Variants in PDZRN4 observed in about 807,000 individuals in gnomAD.
The protein encoded by PDZRN4 is PDZ domain-containing RING finger protein 4.
A neutral mutation model predicts 99.0 loss-of-function variants in PDZRN4; 70 were observed. That is an observed-to-expected ratio of 0.71 (90% CI 0.58 to 0.86). The LOEUF (loss-of-function observed/expected upper bound fraction) is 0.86. Among genes scored for constraint, PDZRN4 ranks in the 40% least tolerant of loss-of-function variants. The pLI, the probability that PDZRN4 is intolerant of heterozygous loss-of-function variation, is 0.00. For missense variants in PDZRN4, 1,474 were observed against 1,331.2 expected (o/e 1.11, Z -1.67); for synonymous variants, 551 against 501.6 (o/e 1.10, Z -1.32).
intron 5 of PDZRN4, among the ~76,000 whole-genome samples, chr12:41,539,746 G>T (rs1042156093): frequency 2.0e-5 from 3 of 152,136 alleles, no homozygotes; most frequent in African/African-American, 7.2e-5. Flanking sequence ...TGCTGGAAAA[G>T]TTCCTGAATG....
chr12:41,482,392 A>C (rs1482879242), intron 3 of PDZRN4, among the ~76,000 whole-genome samples: 1 of 152,182 alleles, frequency 6.6e-6, no homozygotes, highest in Non-Finnish European at 1.5e-5. Context: ...TAGGATGAGA[A>C]CTTGGATTCT....
At chr12:41,320,756 A>G (rs767926472) in intron 3 of PDZRN4, among the ~76,000 whole-genome samples, 11 of 152,088 alleles carry the variant, frequency 7.2e-5, no homozygotes, top group Non-Finnish European at 1.5e-4. Context: ...AAAAAATCTC[A>G]TCTCTCCTTT....
chr12:41,508,082 A>C (rs1938238875), intron 4 of PDZRN4, among the ~76,000 whole-genome samples: 1 of 152,066 alleles, frequency 6.6e-6, no homozygotes, highest in Non-Finnish European at 1.5e-5. Flanking sequence ...GCATTTATTG[A>C]CTCATTTAGT....
At chr12:41,529,707 T>A (rs1938627398) in intron 5 of PDZRN4, among the ~76,000 whole-genome samples, 1 of 152,218 alleles carries the variant, frequency 6.6e-6, no homozygotes, top group Admixed American at 6.5e-5. Context: ...TCTTCCTATG[T>A]TTTTGTGGGA....
chr12:41,388,895 A>G (rs531336122), intron 3 of PDZRN4, among the ~76,000 whole-genome samples: 150 of 152,228 alleles, frequency 9.9e-4, no homozygotes, highest in African/African-American at 2.9e-3. Flanking sequence ...AAGAGTAAGG[A>G]CAGTGTACTA....
At chr12:41,454,855 T>A (rs1398991130) in intron 3 of PDZRN4, among the ~76,000 whole-genome samples, 1 of 152,210 alleles carries the variant, frequency 6.6e-6, no homozygotes, top group Non-Finnish European at 1.5e-5. Context: ...CCAATAGAAA[T>A]ATCTGCGATA....
chr12:41,311,777 G>T (rs1280157760), intron 3 of PDZRN4, among the ~76,000 whole-genome samples: 1 of 152,150 alleles, frequency 6.6e-6, no homozygotes, highest in Non-Finnish European at 1.5e-5. Flanking sequence ...GTGTAAAAAT[G>T]TGTGCATTTG....
chr12:41,462,808 TA>T (rs1323759054), intron 3 of PDZRN4, among the ~76,000 whole-genome samples: 1 of 151,906 alleles, frequency 6.6e-6, no homozygotes, highest in South Asian at 2.1e-4. Flanking sequence ...AATGGTCTTA[TA>T]AAAAACATAA....
At chr12:41,371,625 G>A (rs759876661) in intron 3 of PDZRN4, among the ~76,000 whole-genome samples, 2 of 152,110 alleles carry the variant, frequency 1.3e-5, no homozygotes, top group African/African-American at 2.4e-5. Flanking sequence ...CATGGCATCC[G>A]CTAGAGGGTT....
At chr12:41,370,399 T>C (rs1363948154) in intron 3 of PDZRN4, among the ~76,000 whole-genome samples, 2 of 152,008 alleles carry the variant, frequency 1.3e-5, no homozygotes, top group East Asian at 1.9e-4. Flanking sequence ...CCTTTAAAAA[T>C]ATTTATCCGT....
At chr12:41,243,282 TAC>T (rs1174765295) in intron 3 of PDZRN4, among the ~76,000 whole-genome samples, 2 of 152,238 alleles carry the variant, frequency 1.3e-5, no homozygotes, top group African/African-American at 4.8e-5. Flanking sequence ...TTTAACCTTT[TAC>T]ACAGACATTA....
intron 3 of PDZRN4, among the ~76,000 whole-genome samples, chr12:41,219,520 G>A (rs189550953): frequency 6.6e-6 from 1 of 152,128 alleles, no homozygotes; most frequent in East Asian, 1.9e-4. Context: ...TCACTTCTTT[G>A]CTAATCAATT....
chr12:41,484,656 C>A (rs976103205), intron 3 of PDZRN4, among the ~76,000 whole-genome samples: 4 of 152,168 alleles, frequency 2.6e-5, no homozygotes, highest in Non-Finnish European at 5.9e-5. Flanking sequence ...CCTCATATAA[C>A]CCTGACCAAA....
chr12:41,232,327 A>G (rs1376626325), intron 3 of PDZRN4, among the ~76,000 whole-genome samples: 1 of 152,056 alleles, frequency 6.6e-6, no homozygotes, highest in Non-Finnish European at 1.5e-5. Context: ...AAGGAATGGC[A>G]TTATTATGCT....
rs936119379 is a variant in PDZRN4 at position 41,562,456 on chromosome 12, C to G, written c.1366-1092C>G. On this transcript the variant is annotated intron_variant, in intron 7 of 9. Coordinates refer to ENST00000402685, the MANE Select transcript of PDZRN4 (RefSeq NM_001164595.2). ...ATTATTGAAAAAAGAATGGTCAGTG[C>G]TGCTACATTTTCCATCTGCTTCATT... Among the ~76,000 whole-genome samples, 5 of 152,208 alleles carry G rather than the reference C, an allele frequency of 3.3e-5. No individual in the cohort carries two copies. The South Asian group carries it at 8.3e-4, about 25-fold the overall frequency.
At chr12:41,408,756 A>ATT (rs1235418224) in intron 3 of PDZRN4, among the ~76,000 whole-genome samples, 1 of 125,356 alleles carries the variant, frequency 8.0e-6, no homozygotes, top group Non-Finnish European at 1.8e-5. Context: ...CTTCCTAAAC[A>ATT]TTTCTCTCTC....
intron 5 of PDZRN4, among the ~76,000 whole-genome samples, chr12:41,510,335 C>T (rs754846493): frequency 1.8e-4 from 27 of 152,194 alleles, no homozygotes; most frequent in Non-Finnish European, 3.2e-4. Flanking sequence ...ATGCAATACT[C>T]TCTTTGTGCC....
At chr12:41,458,558 A>T (rs1952838555) in intron 3 of PDZRN4, among the ~76,000 whole-genome samples, 2 of 152,190 alleles carry the variant, frequency 1.3e-5, no homozygotes, top group Admixed American at 1.3e-4. Flanking sequence ...GGTTACTATT[A>T]ACTAAGTAGG....
intron 3 of PDZRN4, among the ~76,000 whole-genome samples, chr12:41,331,765 T>C (rs1263536490): frequency 7.2e-5 from 11 of 152,156 alleles, no homozygotes; most frequent in Middle Eastern, 3.4e-3. Flanking sequence ...CACCTCTTTA[T>C]AGGGCGGCAG....
Sources: gnomAD v4.1 joint callset for allele counts (sites outside exome capture counted in the v4.1 genomes callset) on GRCh38, gnomAD v4.1.1 for gene constraint, MANE v1.5 for transcripts, NCBI Gene and HGNC (gene_info 2026-07-23, HGNC 2026-07-21) for gene names.